Variants in SPAG16 observed in about 807,000 individuals in gnomAD.
The protein encoded by SPAG16 is sperm associated antigen 16.
A neutral mutation model predicts 80.4 loss-of-function variants in SPAG16; 86 were observed. The observed-to-expected ratio is 1.07, with a 90% CI of 0.90 to 1.28. SPAG16 has a LOEUF of 1.28. SPAG16 is among the 50% of genes most tolerant of loss of function. The pLI, the probability that SPAG16 is intolerant of heterozygous loss-of-function variation, is 0.00. For synonymous variants in SPAG16, 294 were observed against 265.9 expected, an observed-to-expected ratio of 1.11 and a Z score of -1.03; for missense variants, 870 against 765.3, an observed-to-expected ratio of 1.14 and a Z score of -1.61.
intron 11 of SPAG16, among the ~76,000 whole-genome samples, chr2:213,876,487 T>C (rs2076149105): frequency 6.6e-6 from 1 of 152,144 alleles, no homozygotes. Context: ...GAGAAAGGAA[T>C]AAGTCACATA....
At chr2:213,329,199 G>A (rs1176494386) in intron 5 of SPAG16, among the ~76,000 whole-genome samples, 1 of 152,214 alleles carries the variant, frequency 6.6e-6, no homozygotes, top group Non-Finnish European at 1.5e-5. Context: ...TTGCTGAAAA[G>A]ATACCAGAAA....
intron 15 of SPAG16, among the ~76,000 whole-genome samples, chr2:214,323,850 T>C (rs1306174248): frequency 6.6e-6 from 1 of 152,234 alleles, no homozygotes; most frequent in Non-Finnish European, 1.5e-5. Context: ...TGTGTTTCTA[T>C]TTTACTTCCA....
At position 213,643,348 on chromosome 2, in the gene SPAG16, TTATATATATATATATATATATA is replaced by T. The variant is rs61608932; in HGVS notation, c.1070+153300_1070+153321del. Among the ~76,000 whole-genome samples, 242 of 39,108 alleles carry T rather than the reference TTATATATATATATATATATATA, an allele frequency of 6.2e-3. 7 individuals are homozygous for T. The highest frequency in any genetic ancestry group is 0.016 in the African/African-American group (157 of 9,928). The allele number at this position is 39,108 out of a possible 152,430, so 25.7% of individuals were successfully genotyped here. On this transcript the variant is annotated intron_variant, in intron 10 of 15. Transcript: ENST00000331683. ...CTGCCAGATGTATTGGATCTTAATTTTATATATATATATATATATATATATATATATATATATATATATATAT... is the reference window on the plus strand; with the variant it reads ...CTGCCAGATGTATTGGATCTTAATTTTATATATATATATATATATATATAT...
intron 9 of SPAG16, among the ~76,000 whole-genome samples, chr2:213,450,298 T>C (rs185150865): frequency 3.3e-5 from 5 of 152,330 alleles, no homozygotes; most frequent in African/African-American, 1.2e-4. Context: ...AGCCAGACTC[T>C]GTCTCAAAAC....
intron 10 of SPAG16, among the ~76,000 whole-genome samples, chr2:213,743,205 A>AT (rs1553621410): frequency 6.6e-6 from 1 of 152,128 alleles, no homozygotes; most frequent in Non-Finnish European, 1.5e-5. Flanking sequence ...GCCCGGCTGT[A>AT]TTGTTGTTTT....
chr2:213,848,726 A>G (rs1216314161), intron 10 of SPAG16, among the ~76,000 whole-genome samples: 1 of 151,976 alleles, frequency 6.6e-6, no homozygotes, highest in East Asian at 1.9e-4. Flanking sequence ...TCTCCCATCT[A>G]ATGGAAACTG....
intron 15 of SPAG16, among the ~76,000 whole-genome samples, chr2:214,339,244 C>A (rs188666000): frequency 5.3e-5 from 8 of 152,210 alleles, no homozygotes; most frequent in African/African-American, 1.9e-4. Context: ...AGAAGGAAAA[C>A]TACTTCTCCT....
chr2:213,743,599 G>A (rs182499186), intron 10 of SPAG16, among the ~76,000 whole-genome samples: 70 of 152,214 alleles, frequency 4.6e-4, no homozygotes, highest in African/African-American at 1.6e-3. Context: ...CATTATTGCT[G>A]TTGAGCAGTC....
chr2:214,285,672 G>A (rs1028370018), intron 15 of SPAG16, among the ~76,000 whole-genome samples: 1 of 151,980 alleles, frequency 6.6e-6, no homozygotes, highest in Non-Finnish European at 1.5e-5. Flanking sequence ...ATGTGGTGGT[G>A]GGTGCCTGTA....
At chr2:214,063,448 A>G (rs2050379322) in intron 13 of SPAG16, among the ~76,000 whole-genome samples, 1 of 152,160 alleles carries the variant, frequency 6.6e-6, no homozygotes, top group South Asian at 2.1e-4. Context: ...GGTGCATCCT[A>G]TGGAGAGGAG....
chr2:213,838,527 C>T (rs1158967628), intron 10 of SPAG16, among the ~76,000 whole-genome samples: 2 of 152,172 alleles, frequency 1.3e-5, no homozygotes, highest in Non-Finnish European at 2.9e-5. Context: ...GTAGCCTATA[C>T]CTCATTGAGC....
chr2:213,982,884 A>T (rs943594078), intron 12 of SPAG16, among the ~76,000 whole-genome samples: 1 of 151,988 alleles, frequency 6.6e-6, no homozygotes, highest in Non-Finnish European at 1.5e-5. Flanking sequence ...AAGTCATAAA[A>T]TATAGTTTAA....
chr2:214,292,530 A>G (rs764850340), intron 15 of SPAG16, among the ~76,000 whole-genome samples: 2 of 152,090 alleles, frequency 1.3e-5, no homozygotes, highest in Non-Finnish European at 2.9e-5. Flanking sequence ...ACTATTCGGA[A>G]AATTTCTCAT....
At chr2:213,889,927 G>A (rs961967295) in intron 11 of SPAG16, among the ~76,000 whole-genome samples, 3 of 151,678 alleles carry the variant, frequency 2.0e-5, no homozygotes, top group Non-Finnish European at 2.9e-5. Context: ...ACTGTAAAAT[G>A]TTCTACATTA....
intron 13 of SPAG16, among the ~76,000 whole-genome samples, chr2:214,091,945 C>T (rs933403739): frequency 1.3e-5 from 2 of 152,062 alleles, no homozygotes; most frequent in South Asian, 4.1e-4. Context: ...AAAAATCCCA[C>T]AAACACACTT....
intron 12 of SPAG16, among the ~76,000 whole-genome samples, chr2:214,008,298 C>T (rs2047121808): frequency 1.3e-5 from 2 of 152,014 alleles, no homozygotes; most frequent in Admixed American, 6.6e-5. Flanking sequence ...AATCTTTGAA[C>T]ATAATAATAA....
chr2:214,032,401 A>C (rs1182644702), intron 13 of SPAG16, among the ~76,000 whole-genome samples: 2 of 152,242 alleles, frequency 1.3e-5, no homozygotes, highest in African/African-American at 2.4e-5. Context: ...TGCTGTTTCC[A>C]TAATTAATCA....
chr2:213,806,513 C>A (rs2071778594), intron 10 of SPAG16, among the ~76,000 whole-genome samples: 2 of 151,774 alleles, frequency 1.3e-5, no homozygotes, highest in South Asian at 2.1e-4. Context: ...TTTATGTATC[C>A]CCTGAGAATA....
chr2:213,352,158 C>CTTTTT (rs534931836), intron 7 of SPAG16, among the ~76,000 whole-genome samples: 1,985 of 141,744 alleles, frequency 0.014, 21 homozygotes, highest in South Asian at 0.036. Flanking sequence ...AACCTCTAGT[C>CTTTTT]TTTTTTTTTT....
Sources: gnomAD v4.1 joint callset for allele counts (sites outside exome capture counted in the v4.1 genomes callset) on GRCh38, gnomAD v4.1.1 for gene constraint, MANE v1.5 for transcripts, NCBI Gene and HGNC (gene_info 2026-07-23, HGNC 2026-07-21) for gene names.